SMIM27: variants seen among roughly 807,000 people sequenced by gnomAD.
The protein encoded by SMIM27 is transition zone microprotein 1.
In SMIM27, 3 loss-of-function variants were observed where a neutral mutation model predicts 1.8. That is an observed-to-expected ratio of 1.65 (90% CI 0.75 to 4.28). The LOEUF (loss-of-function observed/expected upper bound fraction) is 4.28, where lower values mean the gene tolerates loss of function less well. Among genes scored for constraint, SMIM27 ranks in the 30% most tolerant of loss-of-function variants. SMIM27 has a pLI of 0.02. For missense variants in SMIM27, 63 were observed against 37.0 expected, an observed-to-expected ratio of 1.70 and a Z score of -1.83; for synonymous variants, 19 against 13.9, an observed-to-expected ratio of 1.37 and a Z score of -0.82.
chr9:32,558,898 G>A, intron 1 of SMIM27: 1 of 1,544,956 alleles, frequency 6.5e-7, no homozygotes, highest in Non-Finnish European at 8.9e-7. Flanking sequence ...AATCAGAAGT[G>A]TTAAGACTTA....
At chr9:32,563,491 CT>C (rs111646430) in intron 1 of SMIM27, among the ~76,000 whole-genome samples, 129 of 91,910 alleles carry the variant, frequency 1.4e-3, no homozygotes, top group Middle Eastern at 0.017. Context: ...GACTATTGGG[CT>C]TTTTTTTTTT....
chr9:32,553,172 T>A (rs990118476), downstream of SMIM27: 9 of 365,150 alleles, frequency 2.5e-5, no homozygotes, highest in Admixed American at 1.7e-4. Context: ...ATCAAGTTTC[T>A]AAATTCTTCA....
At chr9:32,564,135 C>T (rs944649427) in intron 1 of SMIM27, among the ~76,000 whole-genome samples, 8 of 152,200 alleles carry the variant, frequency 5.3e-5, no homozygotes, top group African/African-American at 1.9e-4. Flanking sequence ...TACACACAAA[C>T]ACGCATGCAC....
upstream of SMIM27, chr9:32,551,329 A>T (rs1336609970): frequency 4.9e-6 from 2 of 409,156 alleles, no homozygotes; most frequent in Non-Finnish European, 9.3e-6. Context: ...TAGTGTCTAG[A>T]TAGGGGAATT....
intron 1 of SMIM27, among the ~76,000 whole-genome samples, chr9:32,563,402 G>T (rs1471514576): frequency 6.6e-6 from 1 of 151,340 alleles, no homozygotes; most frequent in African/African-American, 2.4e-5. Context: ...AGTACAGTGG[G>T]CAGCACAATC....
At chr9:32,565,677 A>C (rs1482427723) in intron 1 of SMIM27, 3 of 153,038 alleles carry the variant, frequency 2.0e-5, no homozygotes, top group Non-Finnish European at 4.4e-5. Context: ...CAGAAGGTAC[A>C]AAAAATGATT....
intron 1 of SMIM27, among the ~76,000 whole-genome samples, chr9:32,561,620 C>A (rs2119014131): frequency 6.6e-6 from 1 of 152,292 alleles, no homozygotes; most frequent in African/African-American, 2.4e-5. Flanking sequence ...TGAGCCACCA[C>A]ACCCAGTCTA....
intron 1 of SMIM27, chr9:32,566,078 A>G (rs1045462585): frequency 4.5e-6 from 2 of 445,846 alleles, no homozygotes; most frequent in African/African-American, 2.0e-5. Flanking sequence ...ACCAAAAAAA[A>G]AAAAAGGCAC....
downstream of SMIM27, among the ~76,000 whole-genome samples, chr9:32,555,787 G>C (rs1821439023): frequency 6.6e-6 from 1 of 152,170 alleles, no homozygotes; most frequent in African/African-American, 2.4e-5. Context: ...ATAATGAAAA[G>C]AACAAACCCC....
chr9:32,562,470 C>A (rs1422952695), intron 1 of SMIM27, among the ~76,000 whole-genome samples: 1 of 152,208 alleles, frequency 6.6e-6, no homozygotes, highest in Admixed American at 6.5e-5. Flanking sequence ...TTGGTTGTTT[C>A]ACTCTTCTGT....
chr9:32,554,080 C>A, downstream of SMIM27: 1 of 532,060 alleles, frequency 1.9e-6, no homozygotes, highest in Non-Finnish European at 3.4e-6. Flanking sequence ...GGACCCTAGA[C>A]AAAGTAGAAG....
At chr9:32,558,682 G>A (rs1378130262) in intron 1 of SMIM27, among the ~76,000 whole-genome samples, 1 of 152,078 alleles carries the variant, frequency 6.6e-6, no homozygotes, top group Non-Finnish European at 1.5e-5. Context: ...TTACAGCCAG[G>A]TTGAAAATAA....
At chr9:32,552,728 G>T in intron 1 of SMIM27, 73 bp from the exon 2 acceptor site, 1 of 675,434 alleles carries the variant, frequency 1.5e-6, no homozygotes. Flanking sequence ...CTTAGCAATG[G>T]CAACGGTAAC....
intron 1 of SMIM27, among the ~76,000 whole-genome samples, chr9:32,560,258 C>T (rs576418120): frequency 4.6e-5 from 7 of 152,316 alleles, no homozygotes; most frequent in Middle Eastern, 6.8e-3. Flanking sequence ...AAATGTTTAA[C>T]TAAATATGTC....
At chr9:32,566,788 T>C (rs750810189) in exon 2 of SMIM27, 29 of 916,352 alleles carry the variant, frequency 3.2e-5, no homozygotes, top group East Asian at 1.6e-4. Context: ...TGGCTGACGT[T>C]GTACAGGAGG....
upstream of SMIM27, chr9:32,551,953 C>A (rs1821278677): frequency 3.2e-6 from 1 of 308,032 alleles, no homozygotes; most frequent in Non-Finnish European, 6.8e-6. Context: ...AACAGGCGAA[C>A]GTCCATCTAA....
downstream of SMIM27, among the ~76,000 whole-genome samples, chr9:32,554,877 C>T (rs528437105): frequency 2.6e-5 from 4 of 152,258 alleles, no homozygotes; most frequent in South Asian, 8.3e-4. Flanking sequence ...TCTCCTATAA[C>T]TTGGAAGCTG....
At chr9:32,552,515 A>T in intron 1 of SMIM27, 36 bp downstream of exon 1, 1 of 1,560,710 alleles carries the variant, frequency 6.4e-7, no homozygotes, top group Non-Finnish European at 8.7e-7. Context: ...CACCGTGTCG[A>T]CTCACTGGGC....
chr9:32,566,710 T>C lies in SMIM27; in HGVS notation c.*257T>C, dbSNP rs189826085. 3.1e-5 allele frequency: 26 copies of C among 850,926 alleles called. No individual in the cohort carries two copies. In the East Asian group the frequency reaches 6.4e-4, roughly 21 times the overall value. 52.7% of individuals were successfully genotyped at this position (850,926 alleles called of 1,614,324 possible). On this transcript the variant is annotated 3_prime_UTR_variant, in exon 2 of 2. Coordinates refer to the SMIM27 transcript ENST00000451672. The stretch of plus-strand genomic sequence containing the variant: ...CTGTATCTCAGATAGCCAGACTTAT[T>C]CCAAAATCGGGACTCCAAGCCTTCA...
Sources: gnomAD v4.1 joint callset for allele counts (sites outside exome capture counted in the v4.1 genomes callset) on GRCh38, gnomAD v4.1.1 for gene constraint, MANE v1.5 for transcripts, NCBI Gene and HGNC (gene_info 2026-07-23, HGNC 2026-07-21) for gene names.